The following ATP10A variants were observed in gnomAD, a reference collection of about 807,000 sequenced individuals.
ATP10A encodes the protein ATPase phospholipid transporting 10A (putative).
In ATP10A, 111 loss-of-function variants were observed where a neutral mutation model predicts 147.8. The ratio of observed to expected loss-of-function variants is 0.75; its 90% confidence interval spans 0.64 to 0.88. The LOEUF (loss-of-function observed/expected upper bound fraction) is 0.88. Among genes scored for constraint, ATP10A ranks in the 40% least tolerant of loss-of-function variants. The pLI is 0.00. For synonymous variants in ATP10A, 875 were observed against 841.6 expected, an observed-to-expected ratio of 1.04 and a Z score of -0.69; for missense variants, 1,927 against 1,959.0, an observed-to-expected ratio of 0.98 and a Z score of 0.31.
At chr15:25,767,093 T>C (rs1399408393) in intron 2 of ATP10A, among the ~76,000 whole-genome samples, 1 of 152,190 alleles carries the variant, frequency 6.6e-6, no homozygotes, top group Non-Finnish European at 1.5e-5. Flanking sequence ...AATTCCCTTC[T>C]GCCTGTTCTG....
chr15:25,843,316 G>A (rs969893456), intron 1 of ATP10A, among the ~76,000 whole-genome samples: 5 of 151,342 alleles, frequency 3.3e-5, no homozygotes, highest in African/African-American at 1.2e-4. Context: ...GCTCCCAGGA[G>A]CACAGCTCCA....
chr15:25,808,320 A>G (rs1891285270), intron 1 of ATP10A, among the ~76,000 whole-genome samples: 1 of 152,220 alleles, frequency 6.6e-6, no homozygotes. Context: ...TTACCTCAAC[A>G]CAAGTCACAA....
chr15:25,779,892 T>G (rs1356336614), intron 2 of ATP10A, among the ~76,000 whole-genome samples: 1 of 114,584 alleles, frequency 8.7e-6, no homozygotes, highest in South Asian at 2.7e-4. Context: ...ACAGAGTAAA[T>G]GAGGAAATCA....
chr15:25,673,579 C>T (rs978985838), downstream of ATP10A, among the ~76,000 whole-genome samples: 1 of 152,284 alleles, frequency 6.6e-6, no homozygotes, highest in Admixed American at 6.5e-5. Context: ...TTCCAAGTGA[C>T]GGAGATGTCA....
chr15:25,814,230 GCAT>G lies in ATP10A; in HGVS notation c.450-33010_450-33008del, dbSNP rs533377953. On this transcript the variant is annotated intron_variant, in intron 1 of 20. Coordinates refer to ENST00000555815, the MANE Select transcript of ATP10A (RefSeq NM_024490.4). ...AACAATGAAGCAAAAAGACAGAGGA[GCAT>G]CATATGTCAGGAAGTGAAAGAAAAC... Among the ~76,000 whole-genome samples the G allele has an allele frequency of 3.9e-5, 6 of 152,302 alleles. No individual in the cohort carries two copies. In the South Asian group the frequency reaches 1.2e-3, roughly 32 times the overall value.
At chr15:25,734,185 A>T (rs7165709) in intron 3 of ATP10A, among the ~76,000 whole-genome samples, 2,416 of 152,098 alleles carry the variant, frequency 0.016, 65 homozygotes, top group African/African-American at 0.055. Flanking sequence ...CCTCTCGTCC[A>T]CCCCAGCAGA....
At chr15:25,754,600 G>A (rs1202151572) in intron 2 of ATP10A, among the ~76,000 whole-genome samples, 1 of 152,148 alleles carries the variant, frequency 6.6e-6, no homozygotes, top group Non-Finnish European at 1.5e-5. Context: ...ATCATTGGCT[G>A]AGTTGGTCAA....
At chr15:25,738,046 T>G (rs1319987671) in intron 2 of ATP10A, among the ~76,000 whole-genome samples, 1 of 152,230 alleles carries the variant, frequency 6.6e-6, no homozygotes, top group African/African-American at 2.4e-5. Context: ...GAGACCATCT[T>G]TGAGTTTCTC....
At position 25,683,469 on chromosome 15, in the gene ATP10A, C is replaced by T. The variant is rs918313380; in HGVS notation, c.3309G>A (p.Leu1103=). 5.0e-6 allele frequency: 8 copies of T among 1,613,426 alleles called. No homozygotes were observed. Among genetic ancestry groups the T allele is most frequent in the Non-Finnish European group, 5.9e-6 (7 of 1,179,722 alleles). Residue 1103 remains leucine, a synonymous_variant, in exon 17 of 21, where the codon CTG becomes CTA. Transcript: ENST00000555815. The stretch of plus-strand genomic sequence containing the variant: ...AGCCACAGAAAAACTGGAACCAAAA[C>T]AGGAGGCCCACGAACATCTGAAATC... ...FYKNTMFVGL[L]FWFQFFCGFS...
intron 1 of ATP10A, among the ~76,000 whole-genome samples, chr15:25,846,554 G>A (rs944988634): frequency 2.0e-5 from 3 of 152,152 alleles, no homozygotes; most frequent in African/African-American, 7.2e-5. Context: ...CTGGGCATGA[G>A]GGTAGACCAT....
chr15:25,838,592 T>C (rs898173102), intron 1 of ATP10A, among the ~76,000 whole-genome samples: 2 of 152,228 alleles, frequency 1.3e-5, no homozygotes, highest in Admixed American at 6.5e-5. Flanking sequence ...AATCATATTT[T>C]AGTAATCCAG....
At chr15:25,779,175 T>C (rs1177371349) in intron 2 of ATP10A, among the ~76,000 whole-genome samples, 1 of 152,100 alleles carries the variant, frequency 6.6e-6, no homozygotes, top group Non-Finnish European at 1.5e-5. Context: ...CCATGCCCAG[T>C]AGAGGAAGTT....
chr15:25,773,886 A>G (rs902456297), intron 2 of ATP10A, among the ~76,000 whole-genome samples: 3 of 151,864 alleles, frequency 2.0e-5, no homozygotes, highest in Non-Finnish European at 4.4e-5. Context: ...GCCTAGTGTT[A>G]ACTGCGTCGA....
In ATP10A at chr15:25,862,923, G is replaced by T. The variant is rs776386284; in HGVS notation, c.174C>A (p.His58Gln). The change falls in exon 1 of 21, where the codon CAC (histidine) becomes CAA (glutamine). Residue 58 changes from histidine to glutamine, a missense_variant. Transcript: ENST00000555815. ...TAGTCTTGAGCCGGTTGTCGGCCAG[G>T]TGCTGGGCACACCCGCGCCGCCGTC... ...ERRRRRGCAQ[H>Q]LADNRLKTTK... is the part of the protein sequence containing the mutation. 1.8e-5 allele frequency: 29 copies of T among 1,600,466 alleles called. 1 individual carries two copies. The South Asian group carries it at 3.1e-4, about 17-fold the overall frequency.
intron 1 of ATP10A, among the ~76,000 whole-genome samples, chr15:25,782,799 G>T (rs74003892): frequency 0.13 from 19,306 of 152,158 alleles, 1,313 homozygotes; most frequent in Non-Finnish European, 0.14. Flanking sequence ...TTTTAAATAA[G>T]TGGAGGAACA....
intron 1 of ATP10A, among the ~76,000 whole-genome samples, chr15:25,848,985 C>T (rs147708183): frequency 2.2e-4 from 33 of 152,142 alleles, no homozygotes; most frequent in African/African-American, 7.9e-4. Flanking sequence ...CTCGCCACAC[C>T]TACCGCTGTG....
intron 12 of ATP10A, among the ~76,000 whole-genome samples, chr15:25,706,167 G>C (rs1164641080): frequency 3.3e-5 from 5 of 152,170 alleles, no homozygotes; most frequent in Non-Finnish European, 7.3e-5. Flanking sequence ...AAGATGACTG[G>C]AACTCAAGTT....
At chr15:25,718,677 G>A (rs1242782449) in intron 7 of ATP10A, among the ~76,000 whole-genome samples, 1 of 152,144 alleles carries the variant, frequency 6.6e-6, no homozygotes, top group Admixed American at 6.5e-5. Context: ...AGGGGAACGG[G>A]TTGACGTCCA....
At chr15:25,805,128 G>A (rs904262191) in intron 1 of ATP10A, among the ~76,000 whole-genome samples, 4 of 152,290 alleles carry the variant, frequency 2.6e-5, no homozygotes, top group East Asian at 1.9e-4. Flanking sequence ...ACGGGGCCCC[G>A]GCAGCCTATG....
Sources: gnomAD v4.1 joint callset for allele counts (sites outside exome capture counted in the v4.1 genomes callset) on GRCh38, gnomAD v4.1.1 for gene constraint, MANE v1.5 for transcripts, NCBI Gene and HGNC (gene_info 2026-07-23, HGNC 2026-07-21) for gene names.